SHANK2: variants seen among roughly 807,000 people sequenced by gnomAD.
The protein encoded by SHANK2 is SH3 and multiple ankyrin repeat domains protein 2.
A neutral mutation model predicts 133.7 loss-of-function variants in SHANK2; 43 were observed. The ratio of observed to expected loss-of-function variants is 0.32; its 90% CI spans 0.25 to 0.41. The LOEUF is 0.41. Ranked by LOEUF, SHANK2 falls within the 10% of genes least tolerant of loss-of-function variation. The pLI, the probability that SHANK2 is intolerant of heterozygous loss-of-function variation, is 1.00. For synonymous variants in SHANK2, 1,017 were observed against 952.8 expected (o/e 1.07, Z -1.24); for missense variants, 1,994 against 2,235.8 (o/e 0.89, Z 2.18).
chr11:70,875,595 T>C (rs1218657485), intron 11 of SHANK2, among the ~76,000 whole-genome samples: 1 of 151,970 alleles, frequency 6.6e-6, no homozygotes, highest in Non-Finnish European at 1.5e-5. Context: ...GCATGGTGAC[T>C]CACGCCTGCA....
chr11:70,846,298 C>T (rs552861130), intron 11 of SHANK2, among the ~76,000 whole-genome samples: 6 of 152,090 alleles, frequency 3.9e-5, no homozygotes, highest in South Asian at 2.1e-4. Context: ...CGGTCTCGCT[C>T]GGTCGCTCAG....
intron 11 of SHANK2, among the ~76,000 whole-genome samples, chr11:70,855,358 T>A (rs1362719391): frequency 6.6e-6 from 1 of 152,196 alleles, no homozygotes; most frequent in African/African-American, 2.4e-5. Flanking sequence ...AAATTGCCCA[T>A]CAGTCTGGCC....
At chr11:70,711,592 C>A (rs1555026142) in intron 14 of SHANK2, among the ~76,000 whole-genome samples, 1 of 152,232 alleles carries the variant, frequency 6.6e-6, no homozygotes, top group Admixed American at 6.5e-5. Context: ...CACGCCCGCC[C>A]GGCCTCCAGG....
chr11:70,476,834 T>TGGCCTTGGTGCTCACCA (rs1846767137), intron 25 of SHANK2, among the ~76,000 whole-genome samples: 1 of 152,216 alleles, frequency 6.6e-6, no homozygotes, highest in African/African-American at 2.4e-5. Flanking sequence ...GACTGGTGCC[T>TGGCCTTGGTGCTCACCA]GGCCTTGGTG....
intron 11 of SHANK2, among the ~76,000 whole-genome samples, chr11:70,841,007 A>T (rs141636254): frequency 6.6e-6 from 1 of 152,156 alleles, no homozygotes; most frequent in African/African-American, 2.4e-5. Context: ...TCATGTCTGT[A>T]ATCCCAGCAT....
At chr11:71,059,105 T>A (rs1229586578) in intron 9 of SHANK2, among the ~76,000 whole-genome samples, 1 of 152,132 alleles carries the variant, frequency 6.6e-6, no homozygotes, top group African/African-American at 2.4e-5. Context: ...TAATCCCAGC[T>A]ACTCGGGAGG....
At chr11:71,099,824 G>A (rs1951688115) in intron 6 of SHANK2, among the ~76,000 whole-genome samples, 1 of 152,122 alleles carries the variant, frequency 6.6e-6, no homozygotes, top group African/African-American at 2.4e-5. Flanking sequence ...AGCCAAGGTA[G>A]GAGGATCATT....
At position 70,845,213 on chromosome 11, in the gene SHANK2, A is replaced by AAG. The variant is rs1185387076; in HGVS notation, c.1175-24532_1175-24531insCT. ...GACTCTGTCTCAAAAAAAAAAAAAAAAAAAAAGAAAAAGAAAGAAAGAAAA... is the reference window on the plus strand; with the variant it reads ...GACTCTGTCTCAAAAAAAAAAAAAAAAGAAAAAAGAAAAAGAAAGAAAGAAAA... On this transcript the variant is annotated intron_variant, in intron 11 of 25. Coordinates refer to ENST00000601538, the MANE Select transcript of SHANK2 (RefSeq NM_012309.5). 6.9e-5 allele frequency among the ~76,000 whole-genome samples: 10 copies of AAG among 144,074 alleles called. No individual in the cohort carries two copies. In the East Asian group the frequency reaches 1.7e-3, roughly 25 times the overall value. The allele number at this position is 144,074 out of a possible 152,430, so 94.5% of individuals were successfully genotyped here.
At chr11:71,126,723 G>A (rs188035997) in intron 3 of SHANK2, among the ~76,000 whole-genome samples, 32 of 144,088 alleles carry the variant, frequency 2.2e-4, no homozygotes, top group African/African-American at 8.4e-4. Context: ...CCTCATAAAC[G>A]ACTTTTTTTT....
chr11:70,526,261 C>A (rs2135951133), intron 17 of SHANK2, among the ~76,000 whole-genome samples: 1 of 152,260 alleles, frequency 6.6e-6, no homozygotes, highest in Non-Finnish European at 1.5e-5. Flanking sequence ...GTAGCTCATC[C>A]ACCTCCAGAC....
chr11:70,676,396 T>C (rs542523254), intron 15 of SHANK2, among the ~76,000 whole-genome samples: 1 of 151,914 alleles, frequency 6.6e-6, no homozygotes, highest in Admixed American at 6.6e-5. Context: ...GGAGTGGGGG[T>C]TGGGGAACTG....
chr11:71,083,931 TAATC>T (rs1951338330), intron 8 of SHANK2, among the ~76,000 whole-genome samples: 1 of 150,814 alleles, frequency 6.6e-6, no homozygotes, highest in African/African-American at 2.4e-5. Context: ...AATTTTTTGG[TAATC>T]AAAAACAAAA....
intron 1 of SHANK2, among the ~76,000 whole-genome samples, chr11:71,229,765 G>GAAAAAAA (rs55730780): frequency 2.5e-4 from 29 of 116,484 alleles, no homozygotes; most frequent in Non-Finnish European, 3.7e-4. Flanking sequence ...TCTCAAAAAA[G>GAAAAAAA]AAAAAAAAAA....
chr11:70,919,096 C>G (rs1356152251), intron 10 of SHANK2, among the ~76,000 whole-genome samples: 1 of 151,980 alleles, frequency 6.6e-6, no homozygotes, highest in Non-Finnish European at 1.5e-5. Context: ...CCCAGGAGAT[C>G]GAGGCTGCAG....
At chr11:70,729,966 C>T (rs1254260156) in intron 14 of SHANK2, among the ~76,000 whole-genome samples, 2 of 151,518 alleles carry the variant, frequency 1.3e-5, no homozygotes, top group Non-Finnish European at 2.9e-5. Context: ...CCTGCTCCAC[C>T]ACCTAGGGGT....
chr11:70,778,817 A>G (rs937064205), intron 14 of SHANK2, among the ~76,000 whole-genome samples: 6 of 152,140 alleles, frequency 3.9e-5, no homozygotes, highest in African/African-American at 1.4e-4. Flanking sequence ...TGCCCTCCAC[A>G]CTGGCAGCCC....
At chr11:71,133,878 G>A (rs1952383095) in intron 3 of SHANK2, among the ~76,000 whole-genome samples, 1 of 151,364 alleles carries the variant, frequency 6.6e-6, no homozygotes, top group Admixed American at 6.6e-5. Flanking sequence ...AGAACATTCT[G>A]GAACAAAACA....
chr11:71,233,934 C>T (rs1555123323), intron 1 of SHANK2, among the ~76,000 whole-genome samples: 3 of 152,028 alleles, frequency 2.0e-5, no homozygotes, highest in Non-Finnish European at 4.4e-5. Context: ...GTAATCCCAG[C>T]TTCTCGGGAG....
chr11:70,654,498 T>G (rs1472461654), intron 17 of SHANK2: 1 of 152,242 alleles, frequency 6.6e-6, no homozygotes, highest in African/African-American at 2.4e-5. Flanking sequence ...CTTTCCTTTT[T>G]GTTTTCTATT....
Sources: gnomAD v4.1 joint callset for allele counts (sites outside exome capture counted in the v4.1 genomes callset) on GRCh38, gnomAD v4.1.1 for gene constraint, MANE v1.5 for transcripts, NCBI Gene and HGNC (gene_info 2026-07-23, HGNC 2026-07-21) for gene names.